SH3PXD2B: variants seen among roughly 807,000 people sequenced by gnomAD.
SH3PXD2B encodes the protein SH3 and PX domain-containing protein 2B.
SH3PXD2B carries 37 observed loss-of-function variants against 73.1 expected under a neutral mutation model. The observed-to-expected ratio is 0.51, with a 90% CI of 0.39 to 0.67. SH3PXD2B has a LOEUF of 0.67. Ranked by LOEUF, SH3PXD2B falls within the 30% of genes least tolerant of loss-of-function variation. SH3PXD2B has a pLI of 0.00. For synonymous variants in SH3PXD2B, 457 were observed against 480.5 expected (o/e 0.95, Z 0.64); for missense variants, 1,053 against 1,197.8 (o/e 0.88, Z 1.78).
In SH3PXD2B at chr5:172,346,149, C is replaced by T. The variant is rs1326915275; in HGVS notation, c.1175G>A (p.Gly392Asp). 6.2e-7 allele frequency: 1 copy of T among 1,614,130 alleles called. No homozygotes were observed. ...AGGGCCACTCACCTCGACCTTCAGGCCTGCCTGGAAGCTGATGCCGTCTGG... is the reference window on the plus strand; with the variant it reads ...AGGGCCACTCACCTCGACCTTCAGGTCTGCCTGGAAGCTGATGCCGTCTGG... ...TIPDGISFQA[G>D]LKVEVIEKNL... Residue 392 changes from glycine to aspartate, a missense_variant, in exon 12 of 13, where the codon GGC becomes GAC. Gly to Asp is a moderately conservative substitution (Grantham distance 94, BLOSUM62 -1). Coordinates refer to ENST00000311601, the MANE Select transcript of SH3PXD2B (RefSeq NM_001017995.3).
At chr5:172,444,888 G>C (rs150890486) in intron 1 of SH3PXD2B, among the ~76,000 whole-genome samples, 34 of 152,282 alleles carry the variant, frequency 2.2e-4, no homozygotes, top group African/African-American at 7.5e-4. Flanking sequence ...CCTTCCTGGG[G>C]GGGGACCATG....
At chr5:172,397,873 G>C (rs1191513333) in intron 3 of SH3PXD2B, among the ~76,000 whole-genome samples, 1 of 152,204 alleles carries the variant, frequency 6.6e-6, no homozygotes, top group Non-Finnish European at 1.5e-5. Flanking sequence ...AGCATGAAAG[G>C]ATTACTAAAC....
At chr5:172,451,748 C>T (rs1274273858) in intron 1 of SH3PXD2B, among the ~76,000 whole-genome samples, 1 of 152,218 alleles carries the variant, frequency 6.6e-6, no homozygotes, top group African/African-American at 2.4e-5. Flanking sequence ...TGCCTTCATG[C>T]CCGCTCTTTC....
At chr5:172,434,260 C>T (rs1759317482) in intron 1 of SH3PXD2B, among the ~76,000 whole-genome samples, 2 of 152,052 alleles carry the variant, frequency 1.3e-5, no homozygotes, top group Non-Finnish European at 2.9e-5. Flanking sequence ...TATTATGTAT[C>T]AATAAAATAT....
chr5:172,365,519 C>T (rs1363653453), intron 6 of SH3PXD2B, among the ~76,000 whole-genome samples: 1 of 152,158 alleles, frequency 6.6e-6, no homozygotes, highest in East Asian at 1.9e-4. Flanking sequence ...TGGTCAGGCT[C>T]AGTCTGACAT....
intron 12 of SH3PXD2B, among the ~76,000 whole-genome samples, chr5:172,343,825 C>T (rs1581262128): frequency 1.3e-5 from 2 of 151,470 alleles, no homozygotes; most frequent in East Asian, 3.9e-4. Context: ...AAAAAGATCA[C>T]AAGAATGAGG....
In SH3PXD2B at chr5:172,427,694, T is replaced by A. The variant is rs182947990; in HGVS notation, c.76-5198A>T. Among the ~76,000 whole-genome samples, 19 of 151,866 alleles carry A rather than the reference T, an allele frequency of 1.3e-4. No homozygotes were observed. The South Asian group carries it at 4.0e-3, about 32-fold the overall frequency. ...GGTGCAGAGTTTCAGTCTAGGGAGA[T>A]GAAAAAAGTTCTGGCGATGGATGGT... is the stretch of plus-strand genomic sequence containing the variant. On this transcript the variant is annotated intron_variant, in intron 1 of 12. Coordinates refer to ENST00000311601, the MANE Select transcript of SH3PXD2B (RefSeq NM_001017995.3).
rs1554140725 is a variant in SH3PXD2B, at chr5:172,416,649, T to TCA, written c.156+5766_156+5767insTG. Among the ~76,000 whole-genome samples the TCA allele has an allele frequency of 1.4e-3, 168 of 123,084 alleles. 2 individuals are homozygous for TCA. Among genetic ancestry groups the TCA allele is most frequent in the African/African-American group, 5.2e-3 (161 of 30,736 alleles). 80.7% of individuals were successfully genotyped at this position (123,084 alleles called of 152,430 possible). A position where few individuals can be genotyped will look rare whatever the true frequency, so the allele number is the denominator to read the frequency against. On this transcript the variant is annotated intron_variant, in intron 2 of 12. Transcript: ENST00000311601. ...CCTCTACTTTTTTTTTTTTTTTTTT[T>TCA]AAAAAGGACCTTTTCATAGAGACTG...
At chr5:172,375,427 T>C (rs562389489) in intron 5 of SH3PXD2B, among the ~76,000 whole-genome samples, 1 of 152,268 alleles carries the variant, frequency 6.6e-6, no homozygotes, top group South Asian at 2.1e-4. Flanking sequence ...GTTTTTAGTA[T>C]ATTCACAAGG....
At chr5:172,370,567 T>G (rs914600695) in intron 6 of SH3PXD2B, among the ~76,000 whole-genome samples, 3 of 152,196 alleles carry the variant, frequency 2.0e-5, no homozygotes, top group African/African-American at 7.2e-5. Flanking sequence ...GGCTCAGGGC[T>G]GGCACTTCCT....
chr5:172,448,460 T>G (rs573760548), intron 1 of SH3PXD2B, among the ~76,000 whole-genome samples: 1 of 152,202 alleles, frequency 6.6e-6, no homozygotes, highest in Non-Finnish European at 1.5e-5. Context: ...AAGTGATTTA[T>G]TGAGTGCCTT....
At chr5:172,418,383 G>A (rs937524228) in intron 2 of SH3PXD2B, among the ~76,000 whole-genome samples, 1 of 152,240 alleles carries the variant, frequency 6.6e-6, no homozygotes, top group Non-Finnish European at 1.5e-5. Context: ...AGGCCACACA[G>A]CTGGAGGGTG....
chr5:172,327,192 A>G (rs1397576554), intron 12 of SH3PXD2B, among the ~76,000 whole-genome samples: 1 of 152,200 alleles, frequency 6.6e-6, no homozygotes, highest in Non-Finnish European at 1.5e-5. Context: ...TCTACTCTTC[A>G]TAGAAACAAT....
In SH3PXD2B at chr5:172,336,900, T is replaced by C; in HGVS notation, c.*1469A>G. ...GGTTTCTTCAAGGGAGAAAACAGAT[T>C]TGGCAGTGCGTGAAAAAAGAAAAAA... On this transcript the variant is annotated 3_prime_UTR_variant, in exon 13 of 13. Coordinates refer to ENST00000311601, the MANE Select transcript of SH3PXD2B (RefSeq NM_001017995.3). 1.0e-6 allele frequency: 1 copy of C among 985,394 alleles called. No homozygotes were observed. The highest frequency in any genetic ancestry group is 1.7e-5 in the African/African-American group (1 of 57,330). 61.0% of individuals were successfully genotyped at this position (985,394 alleles called of 1,614,324 possible).
rs1360863651 is a variant in SH3PXD2B, at chr5:172,368,522, TATA to T, written c.427+5265_427+5267del. Among the ~76,000 whole-genome samples, 5 of 28,128 alleles carry T rather than the reference TATA, an allele frequency of 1.8e-4. 1 individual carries two copies. Among genetic ancestry groups the T allele is most frequent in the African/African-American group, 9.5e-4 (4 of 4,226 alleles). 18.5% of individuals were successfully genotyped at this position (28,128 alleles called of 152,430 possible). A position where few individuals can be genotyped will look rare whatever the true frequency, so the allele number is the denominator to read the frequency against. ...TATATATATATATATAAAATATATA[TATA>T]TTATATATATATATAAAATATATAT... On this transcript the variant is annotated intron_variant, in intron 6 of 12. Transcript: ENST00000311601.
At chr5:172,391,601 T>A (rs531801750) in intron 4 of SH3PXD2B, among the ~76,000 whole-genome samples, 2 of 152,298 alleles carry the variant, frequency 1.3e-5, no homozygotes, top group East Asian at 3.9e-4. Flanking sequence ...TAGCTGGGAT[T>A]ACAAGCGTGT....
intron 9 of SH3PXD2B, among the ~76,000 whole-genome samples, chr5:172,351,273 G>A (rs1757154464): frequency 6.6e-6 from 1 of 152,174 alleles, no homozygotes; most frequent in Non-Finnish European, 1.5e-5. Context: ...GGAATTACAG[G>A]TACACACCAC....
rs866462812 is a variant in SH3PXD2B at position 172,348,671 on chromosome 5, C to G, written c.1013-1339G>C. On this transcript the variant is annotated intron_variant, in intron 10 of 12. Coordinates refer to ENST00000311601, the MANE Select transcript of SH3PXD2B (RefSeq NM_001017995.3). Reference sequence around the variant, plus strand: ...CTATCTATCCTATCTATCTATCTATCTATCTATCTATCTATCTATCTATCT... The same window carrying G: ...CTATCTATCCTATCTATCTATCTATGTATCTATCTATCTATCTATCTATCT... Among the ~76,000 whole-genome samples the G allele has an allele frequency of 6.1e-3, 338 of 55,612 alleles. 3 individuals are homozygous for G. The highest frequency in any genetic ancestry group is 0.017 in the African/African-American group (306 of 18,538). The allele number at this position is 55,612 out of a possible 152,430, so 36.5% of individuals were successfully genotyped here. A position where few individuals can be genotyped will look rare whatever the true frequency, so the allele number is the denominator to read the frequency against.
intron 1 of SH3PXD2B, among the ~76,000 whole-genome samples, chr5:172,428,248 A>C (rs1318062125): frequency 6.6e-6 from 1 of 152,200 alleles, no homozygotes; most frequent in Non-Finnish European, 1.5e-5. Flanking sequence ...GTAAGGAAAC[A>C]ACCAACCAGA....
Sources: allele counts gnomAD v4.1 joint callset (sites outside exome capture counted in the v4.1 genomes callset), GRCh38; gene constraint gnomAD v4.1.1; transcripts MANE v1.5; gene names NCBI Gene and HGNC (gene_info 2026-07-23, HGNC 2026-07-21).